The following PCDH15 variants were observed in gnomAD, a reference collection of about 807,000 sequenced individuals.
The protein encoded by PCDH15 is protocadherin-15.
PCDH15 carries 129 observed loss-of-function variants against 178.5 expected under a neutral mutation model. That is an observed-to-expected ratio of 0.72 (90% CI 0.63 to 0.84). The LOEUF (loss-of-function observed/expected upper bound fraction) is 0.84, where lower values mean the gene tolerates loss of function less well. Among genes scored for constraint, PCDH15 ranks in the 40% least tolerant of loss-of-function variants. The pLI, the probability that PCDH15 is intolerant of heterozygous loss-of-function variation, is 0.00. For synonymous variants in PCDH15, 800 were observed against 732.0 expected (o/e 1.09, Z -1.50); for missense variants, 2,230 against 2,099.9 (o/e 1.06, Z -1.21).
At chr10:55,466,075 C>T (rs964365698) in intron 2 of PCDH15, among the ~76,000 whole-genome samples, 1 of 152,066 alleles carries the variant, frequency 6.6e-6, no homozygotes, top group African/African-American at 2.4e-5. Flanking sequence ...AATACCTGCC[C>T]TCTGGAGCTC....
At chr10:53,932,484 C>A (rs1228697234) in intron 25 of PCDH15, among the ~76,000 whole-genome samples, 1 of 152,126 alleles carries the variant, frequency 6.6e-6, no homozygotes, top group Non-Finnish European at 1.5e-5. Flanking sequence ...CATGGATTTG[C>A]TGTGCTAGGC....
intron 15 of PCDH15, among the ~76,000 whole-genome samples, chr10:54,098,144 T>G (rs745878714): frequency 4.6e-5 from 7 of 152,020 alleles, no homozygotes; most frequent in Non-Finnish European, 7.4e-5. Flanking sequence ...GTATATACTC[T>G]GTGTGTCTCT....
At chr10:53,876,021 G>A (rs1442778153) in intron 26 of PCDH15, among the ~76,000 whole-genome samples, 1 of 152,066 alleles carries the variant, frequency 6.6e-6, no homozygotes. Context: ...CGGTATTGAA[G>A]GCTCACTTAC....
At chr10:55,489,542 G>A (rs529632304) in intron 2 of PCDH15, among the ~76,000 whole-genome samples, 56 of 151,592 alleles carry the variant, frequency 3.7e-4, no homozygotes, top group Non-Finnish European at 7.1e-4. Flanking sequence ...AATAATTCTG[G>A]TATGGAAAGC....
intron 2 of PCDH15, among the ~76,000 whole-genome samples, chr10:55,447,648 AT>A (rs533027378): frequency 1.3e-5 from 2 of 152,094 alleles, no homozygotes; most frequent in African/African-American, 2.4e-5. Context: ...CGAAGAAAAA[AT>A]AATGCAATAT....
At chr10:54,079,466 T>TA (rs1415446677) in intron 16 of PCDH15, 42 bp from the exon 17 acceptor site, 1 of 1,557,214 alleles carries the variant, frequency 6.4e-7, no homozygotes, top group East Asian at 2.2e-5. Context: ...AAAAGAGATA[T>TA]TATGTCACAA....
chr10:54,062,238 A>C (rs1258045943), intron 18 of PCDH15, among the ~76,000 whole-genome samples: 3 of 97,354 alleles, frequency 3.1e-5, no homozygotes, highest in East Asian at 2.3e-4. Flanking sequence ...AAAAAAAAAA[A>C]AAAAAAAAAA....
chr10:55,318,768 C>G (rs1843800594), intron 1 of PCDH15, among the ~76,000 whole-genome samples: 1 of 151,970 alleles, frequency 6.6e-6, no homozygotes, highest in Non-Finnish European at 1.5e-5. Context: ...AAGTGCAGGT[C>G]AAGATAAATA....
chr10:54,837,548 T>C (rs1467456348), intron 3 of PCDH15, among the ~76,000 whole-genome samples: 1 of 152,154 alleles, frequency 6.6e-6, no homozygotes, highest in Non-Finnish European at 1.5e-5. Flanking sequence ...AAAAATAAAG[T>C]GATTTATAAA....
intron 2 of PCDH15, among the ~76,000 whole-genome samples, chr10:55,095,470 C>T (rs1191733401): frequency 6.6e-6 from 1 of 151,394 alleles, no homozygotes; most frequent in Non-Finnish European, 1.5e-5. Context: ...CTTGGATTTT[C>T]TCTCATTTTC....
intron 4 of PCDH15, among the ~76,000 whole-genome samples, chr10:54,375,813 TA>T (rs1948318128): frequency 8.6e-6 from 1 of 116,106 alleles, no homozygotes; most frequent in Non-Finnish European, 1.8e-5. Flanking sequence ...AATATATAAA[TA>T]AAAATATATT....
intron 15 of PCDH15, among the ~76,000 whole-genome samples, chr10:54,090,604 ACTG>A (rs1218653562): frequency 4.7e-5 from 7 of 149,724 alleles, no homozygotes; most frequent in Non-Finnish European, 8.9e-5. Context: ...AGATCATGCC[ACTG>A]CACTCCAGCC....
At chr10:54,958,441 C>A (rs1393591701) in intron 2 of PCDH15, among the ~76,000 whole-genome samples, 1 of 151,750 alleles carries the variant, frequency 6.6e-6, no homozygotes. Flanking sequence ...AAGAATCAAA[C>A]TTTTGGCAGA....
intron 1 of PCDH15, among the ~76,000 whole-genome samples, chr10:55,234,393 A>G (rs1841314981): frequency 6.6e-6 from 1 of 152,018 alleles, no homozygotes; most frequent in East Asian, 1.9e-4. Context: ...TAATGAACCA[A>G]TAAGTACAGA....
At chr10:54,446,999 T>C (rs1369014261) in intron 3 of PCDH15, among the ~76,000 whole-genome samples, 2 of 151,602 alleles carry the variant, frequency 1.3e-5, no homozygotes, top group Non-Finnish European at 3.0e-5. Context: ...TCCCCATTGG[T>C]TCCCTAAAAC....
chr10:54,584,658 T>C (rs1464415826), intron 2 of PCDH15, among the ~76,000 whole-genome samples: 5 of 152,172 alleles, frequency 3.3e-5, no homozygotes, highest in Admixed American at 3.3e-4. Context: ...GTCTAGTTCT[T>C]GTTTCCTATG....
At chr10:54,433,025 A>G (rs1056532745) in intron 3 of PCDH15, among the ~76,000 whole-genome samples, 1 of 152,190 alleles carries the variant, frequency 6.6e-6, no homozygotes, top group African/African-American at 2.4e-5. Flanking sequence ...ATGAGATATC[A>G]TCTTACACCA....
At chr10:54,541,335 A>C (rs2132972779) in intron 2 of PCDH15, among the ~76,000 whole-genome samples, 1 of 152,294 alleles carries the variant, frequency 6.6e-6, no homozygotes, top group South Asian at 2.1e-4. Context: ...AAAATATATT[A>C]ACATTTTTGA....
intron 3 of PCDH15, among the ~76,000 whole-genome samples, chr10:54,412,288 A>C (rs1345245328): frequency 6.6e-6 from 1 of 150,638 alleles, no homozygotes; most frequent in Non-Finnish European, 1.5e-5. Flanking sequence ...ATATATGTTA[A>C]GTAAAACAGA....
Sources: allele counts gnomAD v4.1 joint callset (sites outside exome capture counted in the v4.1 genomes callset), GRCh38; gene constraint gnomAD v4.1.1; transcripts MANE v1.5; gene names NCBI Gene and HGNC (gene_info 2026-07-23, HGNC 2026-07-21).